HIVEP3: variants seen among roughly 807,000 people sequenced by gnomAD.
HIVEP3 encodes the protein transcription factor HIVEP3.
Under a neutral mutation model 152.8 loss-of-function variants are expected in HIVEP3, and 49 were observed. The observed-to-expected ratio is 0.32, with a 90% confidence interval of 0.26 to 0.41. The LOEUF is 0.41. Among genes scored for constraint, HIVEP3 ranks in the 10% least tolerant of loss-of-function variants. HIVEP3 has a pLI of 1.00. For missense variants in HIVEP3, 2,790 were observed against 3,103.3 expected (o/e 0.90, Z 2.40); for synonymous variants, 1,269 against 1,289.0 (o/e 0.98, Z 0.33).
chr1:41,521,211 G>A (rs1642751200), intron 6 of HIVEP3, among the ~76,000 whole-genome samples: 2 of 152,358 alleles, frequency 1.3e-5, no homozygotes, highest in African/African-American at 4.8e-5. Flanking sequence ...AGTGGCAGCA[G>A]AGTGTGCCTG....
chr1:41,510,798 T>A lies in HIVEP3; in HGVS notation c.6874A>T (p.Thr2292Ser), dbSNP rs746980726. The A allele has an allele frequency of 5.0e-6, 8 of 1,611,056 alleles. No homozygotes were observed. The African/African-American group carries it at 9.4e-5, about 19-fold the overall frequency. Residue 2292 changes from threonine to serine, a missense_variant, in exon 9 of 9, where the codon ACA becomes TCA. Transcript: ENST00000372583. ...GGGPGRPPDW[T>S]PHGTGAPAEP... ...GCAGGTGCCCCGGTCCCATGGGGTGTCCAGTCAGGAGGCCTGCCCGGGCCT... is the reference window on the plus strand; with the variant it reads ...GCAGGTGCCCCGGTCCCATGGGGTGACCAGTCAGGAGGCCTGCCCGGGCCT...
chr1:42,010,263 A>G (rs118070609), intron 1 of HIVEP3, among the ~76,000 whole-genome samples: 1 of 152,266 alleles, frequency 6.6e-6, no homozygotes, highest in East Asian at 1.9e-4. Context: ...ATTGCTTTTA[A>G]TATCTCCATA....
intron 1 of HIVEP3, among the ~76,000 whole-genome samples, chr1:41,892,228 C>A (rs1644457726): frequency 6.6e-6 from 1 of 152,144 alleles, no homozygotes; most frequent in South Asian, 2.1e-4. Context: ...AACAAATAAA[C>A]AACAACAACA....
chr1:41,808,956 T>C (rs1650791965), intron 1 of HIVEP3, among the ~76,000 whole-genome samples: 1 of 152,234 alleles, frequency 6.6e-6, no homozygotes, highest in South Asian at 2.1e-4. Context: ...GGAATTACTA[T>C]TTCCATTTTG....
At chr1:41,983,214 A>G (rs1356608568) in intron 1 of HIVEP3, among the ~76,000 whole-genome samples, 1 of 152,244 alleles carries the variant, frequency 6.6e-6, no homozygotes, top group African/African-American at 2.4e-5. Flanking sequence ...CCTGCCCTAG[A>G]GGAAGAAAAG....
intron 1 of HIVEP3, among the ~76,000 whole-genome samples, chr1:41,885,002 G>A (rs894483691): frequency 1.3e-5 from 2 of 152,190 alleles, no homozygotes; most frequent in Non-Finnish European, 2.9e-5. Context: ...GGATACAGCT[G>A]TCAAATTCCA....
At chr1:41,967,832 GAC>G (rs2124502202) in intron 1 of HIVEP3, among the ~76,000 whole-genome samples, 1 of 152,130 alleles carries the variant, frequency 6.6e-6, no homozygotes, top group East Asian at 1.9e-4. Flanking sequence ...GAATCAAATA[GAC>G]ACAGTAAAAA....
chr1:41,586,611 G>A (rs1353181790), intron 3 of HIVEP3, among the ~76,000 whole-genome samples: 3 of 152,158 alleles, frequency 2.0e-5, no homozygotes, highest in African/African-American at 7.2e-5. Flanking sequence ...GTTTCACTAG[G>A]TGTGTGATGA....
intron 1 of HIVEP3, among the ~76,000 whole-genome samples, chr1:41,973,522 T>A (rs578072945): frequency 2.0e-5 from 3 of 152,216 alleles, no homozygotes; most frequent in Non-Finnish European, 4.4e-5. Context: ...TCTGACATGG[T>A]AACTGGCTTC....
chr1:41,545,717 CACCAAT>C (rs1643780259), intron 5 of HIVEP3, among the ~76,000 whole-genome samples: 1 of 110,768 alleles, frequency 9.0e-6, no homozygotes. Context: ...CCACCACCAC[CACCAAT>C]ACCACTACCA....
intron 1 of HIVEP3, among the ~76,000 whole-genome samples, chr1:41,961,651 G>A (rs1645170165): frequency 6.6e-6 from 1 of 152,228 alleles, no homozygotes; most frequent in African/African-American, 2.4e-5. Flanking sequence ...GCTCATAACT[G>A]TACACTACTG....
intron 1 of HIVEP3, among the ~76,000 whole-genome samples, chr1:41,930,260 A>G (rs950949354): frequency 4.6e-5 from 7 of 152,112 alleles, no homozygotes; most frequent in African/African-American, 1.7e-4. Context: ...ATCAGCCACA[A>G]AGTTACCTCA....
At chr1:41,531,955 A>G (rs1377039342) in intron 5 of HIVEP3, among the ~76,000 whole-genome samples, 27 of 70,326 alleles carry the variant, frequency 3.8e-4, no homozygotes, top group African/African-American at 6.4e-4. Flanking sequence ...GGACAGGAGA[A>G]ATGGAAGACA....
At chr1:41,964,483 G>A (rs1041282826) in intron 1 of HIVEP3, among the ~76,000 whole-genome samples, 3 of 152,216 alleles carry the variant, frequency 2.0e-5, no homozygotes, top group Non-Finnish European at 4.4e-5. Context: ...CAGATGCTCA[G>A]TGGCCACTGG....
chr1:41,952,948 A>G (rs923486649), intron 1 of HIVEP3, among the ~76,000 whole-genome samples: 3 of 152,096 alleles, frequency 2.0e-5, no homozygotes, highest in Non-Finnish European at 4.4e-5. Context: ...CTCATGAGCA[A>G]TCGACTCAAA....
intron 1 of HIVEP3, among the ~76,000 whole-genome samples, chr1:41,703,432 C>T (rs145945735): frequency 3.9e-5 from 6 of 152,292 alleles, no homozygotes; most frequent in Admixed American, 6.5e-5. Context: ...AGACTGCATG[C>T]GTCCGAATCC....
intron 1 of HIVEP3, among the ~76,000 whole-genome samples, chr1:41,737,455 A>G (rs541186005): frequency 3.9e-5 from 6 of 152,256 alleles, no homozygotes; most frequent in African/African-American, 1.4e-4. Context: ...CTCCAAGACT[A>G]CAGGTTCAAA....
chr1:41,870,364 A>C (rs1644056880), intron 1 of HIVEP3, among the ~76,000 whole-genome samples: 1 of 152,154 alleles, frequency 6.6e-6, no homozygotes. Context: ...CTCTCTTTTC[A>C]ACGTTGCAAT....
intron 3 of HIVEP3, among the ~76,000 whole-genome samples, chr1:41,605,553 GA>G (rs1644811469): frequency 6.6e-6 from 1 of 151,848 alleles, no homozygotes; most frequent in African/African-American, 2.4e-5. Context: ...AGAGAAAAAA[GA>G]ACCAAAAAGA....
Sources: allele counts gnomAD v4.1 joint callset (sites outside exome capture counted in the v4.1 genomes callset), GRCh38; gene constraint gnomAD v4.1.1; transcripts MANE v1.5; gene names NCBI Gene and HGNC (gene_info 2026-07-23, HGNC 2026-07-21).